SEC16B: variants seen among roughly 807,000 people sequenced by gnomAD.
The protein encoded by SEC16B is protein transport protein Sec16B.
SEC16B carries 115 observed loss-of-function variants against 141.8 expected under a neutral mutation model. The observed-to-expected ratio is 0.81, with a 90% CI of 0.70 to 0.95. SEC16B has a LOEUF of 0.95. Ranked by LOEUF, SEC16B falls within the 40% of genes least tolerant of loss-of-function variation. The probability of loss-of-function intolerance (pLI) is 0.00; values close to 1 mark genes in which losing one functional copy is unlikely to be tolerated. For missense variants in SEC16B, 1,291 were observed against 1,312.3 expected (o/e 0.98, Z 0.25); for synonymous variants, 493 against 492.5 (o/e 1.00, Z -0.01).
At chr1:177,942,785 G>T (rs1651383894) in intron 15 of SEC16B, among the ~76,000 whole-genome samples, 1 of 152,178 alleles carries the variant, frequency 6.6e-6, no homozygotes, top group Non-Finnish European at 1.5e-5. Context: ...GATCAAGTGT[G>T]AGGGCTTTGG....
intron 13 of SEC16B, 49 bp downstream of exon 13, chr1:177,947,776 A>AGGGACAGGGAGGGGAGGGGT (rs1426403692): frequency 1.0e-6 from 1 of 976,434 alleles, no homozygotes; most frequent in Non-Finnish European, 1.4e-6. Context: ...AGGGGAGGGG[A>AGGGACAGGGAGGGGAGGGGT]GGGAAGGGAC....
rs1225211320 is a variant in SEC16B, at chr1:177,937,297, G to A, written c.2420C>T (p.Pro807Leu). ...PFYSVPETHL[P>L]GTGSSVAVTE... is the part of the protein sequence containing the mutation. ...CACTGCCACGCTGCTGCCAGTCCCT[G>A]GTAGATGGGTCTCAGGAACTGAGTA... Residue 807 changes from proline (P) to leucine (L), a missense_variant, in exon 19 of 26, where the codon CCA (proline) becomes CTA (leucine). Coordinates refer to ENST00000308284, the MANE Select transcript of SEC16B (RefSeq NM_033127.4). The A allele has an allele frequency of 1.2e-6, 2 of 1,613,884 alleles. No individual in the cohort carries two copies. The highest frequency in any genetic ancestry group is 1.7e-6 in the Non-Finnish European group (2 of 1,179,870).
At chr1:177,969,241 G>A (rs115063386) in intron 1 of SEC16B, among the ~76,000 whole-genome samples, 310 of 152,248 alleles carry the variant, frequency 2.0e-3, no homozygotes, top group African/African-American at 6.7e-3. Context: ...AAATTGAGAC[G>A]TCACTCTGCT....
rs186068860 is a variant in SEC16B at position 177,951,262 on chromosome 1, T to C, written c.1545+652A>G. On this transcript the variant is annotated intron_variant, in intron 12 of 25. Coordinates refer to ENST00000308284, the MANE Select transcript of SEC16B (RefSeq NM_033127.4). ...ATGTACATATTAAAAGGGCATGCTA[T>C]ATATACCCCAAGGAAAAAAATCGAT... is the stretch of plus-strand genomic sequence containing the variant. Among the ~76,000 whole-genome samples, 3 of 152,234 alleles carry C rather than the reference T, an allele frequency of 2.0e-5. No individual in the cohort carries two copies. The East Asian group carries it at 5.8e-4, about 29-fold the overall frequency.
intron 1 of SEC16B, among the ~76,000 whole-genome samples, chr1:177,977,754 G>A (rs1654234578): frequency 6.6e-6 from 1 of 152,164 alleles, no homozygotes; most frequent in Non-Finnish European, 1.5e-5. Context: ...ATTTTGGGAA[G>A]TAGCAAAGGC....
At chr1:177,930,748 G>T in intron 24 of SEC16B, 105 bp from the exon 25 acceptor site, 1 of 757,542 alleles carries the variant, frequency 1.3e-6, no homozygotes, top group Non-Finnish European at 2.2e-6. Context: ...TTTTCTCAGT[G>T]ATTTCTTTAA....
intron 14 of SEC16B, 56 bp downstream of exon 14, chr1:177,946,364 C>T (rs1651706021): frequency 7.8e-7 from 1 of 1,283,812 alleles, no homozygotes; most frequent in Non-Finnish European, 1.1e-6. Context: ...CCAACAAGGG[C>T]TAAAACAGTC....
Position 177,933,525 on chromosome 1 carries a change from C to T in SEC16B, c.2683G>A (p.Ala895Thr), listed in dbSNP as rs1434479317. The change falls in exon 21 of 26, where the codon GCC becomes ACC. Residue 895 changes from alanine (A) to threonine (T), a missense_variant. By Grantham distance (58) the Ala-to-Thr change is moderately conservative. This residue lies in a region of SEC16B where 605 missense variants were observed against 614.1 expected (regional missense o/e 0.99). Coordinates refer to ENST00000308284, the MANE Select transcript of SEC16B (RefSeq NM_033127.4). Reference protein sequence around the residue: ...EADKNSPRNTAQRGKLGDGKE... With the variant: ...EADKNSPRNTTQRGKLGDGKE... ...CCATCTCCGAGCTTGCCTCTCTGGG[C>T]AGTATTTCGGGGAGAGTTTTTATCA... 1 of 1,613,738 alleles carries T rather than the reference C, an allele frequency of 6.2e-7. No individual in the cohort carries two copies. The highest frequency in any genetic ancestry group is 1.3e-5 in the African/African-American group (1 of 74,932).
At chr1:177,982,243 G>T (rs1256856124) in intron 1 of SEC16B, among the ~76,000 whole-genome samples, 3 of 152,306 alleles carry the variant, frequency 2.0e-5, no homozygotes, top group African/African-American at 7.2e-5. Flanking sequence ...TGGTTTGGTG[G>T]GTAGTCGGTT....
At position 177,967,935 on chromosome 1, in the gene SEC16B, G is replaced by C. The variant is rs781150126; in HGVS notation, c.47C>G (p.Ala16Gly). ...PQRLPQTRGKATAPSKDPDRG... is the reference protein window; with the variant it reads ...PQRLPQTRGKGTAPSKDPDRG... Reference sequence around the variant, plus strand: ...GTCTGGATCCTTTGAGGGTGCTGTGGCCTTCCCTCGTGTCTGGGGCAGCCT... The same window carrying C: ...GTCTGGATCCTTTGAGGGTGCTGTGCCCTTCCCTCGTGTCTGGGGCAGCCT... The change falls in exon 2 of 26, where the codon GCC becomes GGC. Residue 16 changes from alanine (A) to glycine (G), a missense_variant. Physicochemically the swap from Ala to Gly is moderately conservative, Grantham distance 60. Transcript: ENST00000308284. 1 of 1,613,602 alleles carries C rather than the reference G, an allele frequency of 6.2e-7. No homozygotes were observed. Among genetic ancestry groups the C allele is most frequent in the South Asian group, 1.1e-5 (1 of 91,052 alleles).
chr1:177,973,483 CAT>C (rs1654043658), upstream of SEC16B, among the ~76,000 whole-genome samples: 1 of 152,160 alleles, frequency 6.6e-6, no homozygotes, highest in Admixed American at 6.5e-5. Flanking sequence ...AATTAACTGA[CAT>C]TATTTTTAAT....
At chr1:177,964,011 AG>A (rs1653295564) in intron 5 of SEC16B, among the ~76,000 whole-genome samples, 159 bp downstream of exon 5, 1 of 152,208 alleles carries the variant, frequency 6.6e-6, no homozygotes, top group Admixed American at 6.5e-5. Context: ...GAGGGAAAAA[AG>A]GAAGGCATGG....
At chr1:177,952,184 T>C (rs1482393943) in intron 11 of SEC16B, among the ~76,000 whole-genome samples, 189 bp from the exon 12 acceptor site, 1 of 152,218 alleles carries the variant, frequency 6.6e-6, no homozygotes, top group African/African-American at 2.4e-5. Context: ...ATCCTCATTC[T>C]ACCGCACACC....
At chr1:177,957,681 A>C (rs1184782588) in intron 10 of SEC16B, among the ~76,000 whole-genome samples, 1 of 152,146 alleles carries the variant, frequency 6.6e-6, no homozygotes, top group East Asian at 1.9e-4. Flanking sequence ...ATACTCTTTT[A>C]GTTATCTTTA....
intron 6 of SEC16B, 22 bp from the exon 7 acceptor site, chr1:177,960,961 T>G: frequency 6.5e-7 from 1 of 1,542,106 alleles, no homozygotes; most frequent in Non-Finnish European, 8.9e-7. Flanking sequence ...CAGACACAGA[T>G]GGACATTGTT....
chr1:177,960,277 G>C lies in SEC16B; in HGVS notation c.998+65C>G, dbSNP rs1014539359. The C allele has an allele frequency of 2.9e-6, 3 of 1,050,054 alleles. No individual in the cohort carries two copies. The Admixed American group carries it at 5.9e-5, about 21-fold the overall frequency. 65.0% of individuals were successfully genotyped at this position (1,050,054 alleles called of 1,614,324 possible). A position where few individuals can be genotyped will look rare whatever the true frequency, so the allele number is the denominator to read the frequency against. ...ACCAAGAACAAATCTCCAAAATGCT[G>C]ATCTGGGCAGGAAGATTTTCTAGGT... On this transcript the variant is annotated intron_variant, in intron 8 of 25. Coordinates refer to ENST00000308284, the MANE Select transcript of SEC16B (RefSeq NM_033127.4).
At chr1:177,942,561 G>A (rs1017976781) in intron 15 of SEC16B, among the ~76,000 whole-genome samples, 9 of 152,172 alleles carry the variant, frequency 5.9e-5, no homozygotes, top group African/African-American at 1.4e-4. Flanking sequence ...CCAGCTACTC[G>A]GAAGGCTGAG....
rs1650262445 is a variant in SEC16B at position 177,929,580 on chromosome 1, C to T, written c.*278G>A. The T allele has an allele frequency of 2.4e-6, 1 of 422,596 alleles. No homozygotes were observed. 26.2% of individuals were successfully genotyped at this position (422,596 alleles called of 1,614,324 possible). A position where few individuals can be genotyped will look rare whatever the true frequency, so the allele number is the denominator to read the frequency against. On this transcript the variant is annotated 3_prime_UTR_variant, in exon 26 of 26. Transcript: ENST00000308284. ...GCTCTCAAGCCACCACCATAAGTGCCACCACCATGTCACTCTGCTCATGTG... is the reference window on the plus strand; with the variant it reads ...GCTCTCAAGCCACCACCATAAGTGCTACCACCATGTCACTCTGCTCATGTG...
intron 10 of SEC16B, among the ~76,000 whole-genome samples, chr1:177,956,227 A>T (rs529382155): frequency 1.3e-5 from 2 of 152,204 alleles, no homozygotes; most frequent in Non-Finnish European, 2.9e-5. Context: ...ATTCATTTAC[A>T]TATTTTCTGT....
Sources: gnomAD v4.1 joint callset for allele counts (sites outside exome capture counted in the v4.1 genomes callset) on GRCh38, gnomAD v4.1.1 for gene constraint, gnomAD v4.1.1 regional missense constraint, MANE v1.5 for transcripts, NCBI Gene and HGNC (gene_info 2026-07-23, HGNC 2026-07-21) for gene names.